The following FAM161B variants were observed in gnomAD, a reference collection of about 807,000 sequenced individuals.
FAM161B encodes the protein FAM161 centrosomal protein B.
FAM161B carries 46 observed loss-of-function variants against 61.5 expected under a neutral mutation model. The ratio of observed to expected loss-of-function variants is 0.75; its 90% confidence interval spans 0.59 to 0.96. The LOEUF (loss-of-function observed/expected upper bound fraction) is 0.96, where lower values mean the gene tolerates loss of function less well. FAM161B is among the 40% of genes least tolerant of loss of function. The pLI, the probability that FAM161B is intolerant of heterozygous loss-of-function variation, is 0.00. For synonymous variants in FAM161B, 284 were observed against 302.7 expected, an observed-to-expected ratio of 0.94 and a Z score of 0.64; for missense variants, 774 against 800.7, an observed-to-expected ratio of 0.97 and a Z score of 0.40.
chr14:73,940,901 G>C (rs79402303), intron 5 of FAM161B, 25 bp downstream of exon 5: 1 of 1,591,208 alleles, frequency 6.3e-7, no homozygotes, highest in South Asian at 1.1e-5. Context: ...TCAGAGCATG[G>C]GTCTCGTGCA....
At position 73,938,104 on chromosome 14, in the gene FAM161B, A is replaced by C; in HGVS notation, c.1409T>G (p.Leu470Arg). ...CTCATCTGCTTTGTTCTTTTTTTCA[A>C]GTGCACTTCTAAAGGAAGGAGGCAG... ...RKRESAVRSALEKKNKADESI... is the reference protein window; with the variant it reads ...RKRESAVRSAREKKNKADESI... Residue 470 changes from leucine to arginine, a missense_variant, in exon 6 of 9, where the codon CTT (leucine) becomes CGT (arginine). Leu to Arg is a moderately radical substitution (Grantham distance 102). Coordinates refer to ENST00000286544, the MANE Select transcript of FAM161B (RefSeq NM_152445.3). The C allele has an allele frequency of 6.2e-7, 1 of 1,614,030 alleles. No homozygotes were observed. The highest frequency in any genetic ancestry group is 8.5e-7 in the Non-Finnish European group (1 of 1,179,978).
chr14:73,943,278 T>C (rs2056034726), intron 3 of FAM161B, among the ~76,000 whole-genome samples: 1 of 152,220 alleles, frequency 6.6e-6, no homozygotes, highest in Non-Finnish European at 1.5e-5. Flanking sequence ...ACAATTTCTC[T>C]ACTGAATTGT....
rs377475554 is a variant in FAM161B at position 73,944,518 on chromosome 14, T to A, written c.742A>T (p.Arg248Trp). 7.4e-6 allele frequency: 12 copies of A among 1,614,108 alleles called. No homozygotes were observed. Among genetic ancestry groups the A allele is most frequent in the Non-Finnish European group, 1.0e-5 (12 of 1,180,008 alleles). ...AAAGAAGAGAGGAGCAGTTCCTTCC[T>A]CTTCTGGATCCCTGCCTGCCTTCGG... ...EARRQAGIQK[R>W]KELLLSSLKP... The change falls in exon 3 of 9, where the codon AGG (arginine) becomes TGG (tryptophan). Residue 248 changes from arginine to tryptophan, a missense_variant. Arg to Trp is a moderately radical substitution (Grantham distance 101). Coordinates refer to ENST00000286544, the MANE Select transcript of FAM161B (RefSeq NM_152445.3).
downstream of FAM161B, among the ~76,000 whole-genome samples, chr14:73,930,403 T>A (rs1032892598): frequency 6.6e-6 from 1 of 152,180 alleles, no homozygotes; most frequent in Non-Finnish European, 1.5e-5. Flanking sequence ...CCTCAAGCAA[T>A]CCTCCTCCCT....
At position 73,950,075 on chromosome 14, in the gene FAM161B, G is replaced by T. The variant is rs1477163319; in HGVS notation, c.-49C>A. ...GACAGTGACAGCGATAGTGGCAGCA[G>T]CGGTGGCAGCGAGAGCTATGCGGGG... is the stretch of plus-strand genomic sequence containing the variant. On this transcript the variant is annotated 5_prime_UTR_variant, in exon 1 of 9. In the 5' UTR this introduces an upstream ATG that the reference lacks. Transcript: ENST00000286544. 1.9e-5 allele frequency: 30 copies of T among 1,604,810 alleles called. No homozygotes were observed. Among genetic ancestry groups the T allele is most frequent in the Non-Finnish European group, 2.5e-5 (29 of 1,179,074 alleles).
intron 1 of FAM161B, among the ~76,000 whole-genome samples, chr14:73,949,565 GC>G (rs1389344073): frequency 6.7e-6 from 1 of 148,668 alleles, no homozygotes; most frequent in African/African-American, 2.5e-5. Context: ...CACCATGTTG[GC>G]CAGGCTGGTC....
At chr14:73,945,522 C>A (rs780243519) in intron 2 of FAM161B, among the ~76,000 whole-genome samples, 4 of 152,056 alleles carry the variant, frequency 2.6e-5, no homozygotes, top group African/African-American at 4.8e-5. Context: ...CCTCCACCTC[C>A]CAGATTCAAG....
At position 73,944,735 on chromosome 14, in the gene FAM161B, G is replaced by A. The variant is rs2056051035; in HGVS notation, c.525C>T (p.Phe175=). ...WASSITVPRP[F]RMTLREARKK... is the part of the protein sequence containing the mutation. ...TCCGGGCCTCGCGCAGCGTCATGCG[G>A]AATGGCCGAGGGACAGTAATGGATG... The change falls in exon 3 of 9, where the codon TTC becomes TTT. Residue 175 remains phenylalanine (F), a synonymous_variant. Coordinates refer to ENST00000286544, the MANE Select transcript of FAM161B (RefSeq NM_152445.3). The A allele has an allele frequency of 6.2e-7, 1 of 1,601,060 alleles. No homozygotes were observed. Among genetic ancestry groups the A allele is most frequent in the South Asian group, 1.1e-5 (1 of 89,802 alleles).
chr14:73,942,789 TTTACACACTAGCTGTAAGTG>T, intron 3 of FAM161B, 74 bp from the exon 4 acceptor site: 3 of 1,342,918 alleles, frequency 2.2e-6, no homozygotes, highest in Non-Finnish European at 3.1e-6. Flanking sequence ...CTTTCCCTCT[TTTACACACTAGCTGTAAGTG>T]TTACTGGAGG....
At chr14:73,937,070 T>C (rs917395) in intron 7 of FAM161B, among the ~76,000 whole-genome samples, 106,794 of 140,810 alleles carry the variant, frequency 0.76, 38,345 homozygotes, top group Non-Finnish European at 0.8. Flanking sequence ...CACACACACA[T>C]ACACATGCAT....
intron 1 of FAM161B, 99 bp from the exon 2 acceptor site, chr14:73,946,704 G>T: frequency 2.3e-6 from 3 of 1,278,924 alleles, no homozygotes; most frequent in Non-Finnish European, 3.2e-6. Context: ...GTATATTAGG[G>T]ACTGGGGAGA....
chr14:73,939,798 T>C (rs1333613489), intron 5 of FAM161B, among the ~76,000 whole-genome samples: 1 of 152,222 alleles, frequency 6.6e-6, no homozygotes, highest in Non-Finnish European at 1.5e-5. Context: ...AAGACTCTTA[T>C]ATTTGGATGT....
At chr14:73,934,982 G>A (rs1177397532) in intron 8 of FAM161B, among the ~76,000 whole-genome samples, 2 of 151,884 alleles carry the variant, frequency 1.3e-5, no homozygotes, top group Admixed American at 1.3e-4. Flanking sequence ...GGGAAGCGGA[G>A]ACTGCAGTGA....
downstream of FAM161B, among the ~76,000 whole-genome samples, chr14:73,929,840 A>G (rs2055885425): frequency 6.6e-6 from 1 of 151,886 alleles, no homozygotes; most frequent in East Asian, 1.9e-4. Context: ...AAAAATTACC[A>G]TGGGAAAAAT....
At chr14:73,931,529 A>T (rs1269772301), downstream of FAM161B, 4 of 1,608,272 alleles carry the variant, frequency 2.5e-6, no homozygotes, top group Non-Finnish European at 8.5e-7. Flanking sequence ...ATTTAACTGA[A>T]AGACGGACAT....
Position 73,935,061 on chromosome 14 carries a change from C to CA in FAM161B, c.1806-668dup, listed in dbSNP as rs201792571. On this transcript the variant is annotated intron_variant, in intron 8 of 8. Transcript: ENST00000286544. Reference sequence around the variant, plus strand: ...CTGGCGACGGAGCAAGACTCCGTCTCAAAAAAAAAAGTCTCAACATTATTA... The same window carrying CA: ...CTGGCGACGGAGCAAGACTCCGTCTCAAAAAAAAAAAGTCTCAACATTATTA... 9.5e-5 allele frequency among the ~76,000 whole-genome samples: 9 copies of CA among 94,272 alleles called. No homozygotes were observed. In the East Asian group the frequency reaches 2.0e-3, roughly 21 times the overall value. 61.8% of individuals were successfully genotyped at this position (94,272 alleles called of 152,430 possible).
At position 73,944,854 on chromosome 14, in the gene FAM161B, T is replaced by TCA. The variant is rs779038406; in HGVS notation, c.404_405dup (p.Asn136Ter). On this transcript the variant is annotated frameshift_variant, in exon 3 of 9. Coordinates refer to ENST00000286544, the MANE Select transcript of FAM161B (RefSeq NM_152445.3). LOFTEE classifies it high-confidence loss of function. Reference sequence around the variant, plus strand: ...CTGGGAATGTTGGAGGGAAGGTTGTTCAGGGAGCTGCAGCGCCTTGTGGAG... The same window carrying TCA: ...CTGGGAATGTTGGAGGGAAGGTTGTTCACAGGGAGCTGCAGCGCCTTGTGGAG... 1 of 1,528,238 alleles carries TCA rather than the reference T, an allele frequency of 6.5e-7. No homozygotes were observed. Among genetic ancestry groups the TCA allele is most frequent in the African/African-American group, 1.4e-5 (1 of 72,136 alleles). 94.7% of individuals were successfully genotyped at this position (1,528,238 alleles called of 1,614,324 possible).
Position 73,940,965 on chromosome 14 carries a change from T to C in FAM161B, c.1361A>G (p.His454Arg), listed in dbSNP as rs751547856. 5 of 1,613,606 alleles carry C rather than the reference T, an allele frequency of 3.1e-6. No homozygotes were observed. The highest frequency in any genetic ancestry group is 1.3e-5 in the African/African-American group (1 of 74,892). The change falls in exon 5 of 9, where the codon CAC becomes CGC. Residue 454 changes from histidine (H) to arginine (R), a missense_variant. His to Arg is a conservative substitution (Grantham distance 29, BLOSUM62 0). Coordinates refer to ENST00000286544, the MANE Select transcript of FAM161B (RefSeq NM_152445.3). ...CCTCTTCCTGGTGGCATCTGTGATG[T>C]GCACAGGGAGAGTGTTGGCAGAGAG... ...ASLSANTLPV[H>R]ITDATRKRES... is the part of the protein sequence containing the mutation.
At chr14:73,930,862 A>G (rs905446515), downstream of FAM161B, among the ~76,000 whole-genome samples, 9 of 152,118 alleles carry the variant, frequency 5.9e-5, no homozygotes, top group African/African-American at 2.2e-4. Flanking sequence ...CAGCCTCCCA[A>G]AGTGCTGGGA....
Sources: allele counts gnomAD v4.1 joint callset (sites outside exome capture counted in the v4.1 genomes callset), GRCh38; gene constraint gnomAD v4.1.1; transcripts MANE v1.5; gene names NCBI Gene and HGNC (gene_info 2026-07-23, HGNC 2026-07-21).